ASTN2: variants seen among roughly 807,000 people sequenced by gnomAD.
The protein encoded by ASTN2 is astrotactin 2, also known as astrotactin-2.
ASTN2 carries 54 observed loss-of-function variants against 139.8 expected under a neutral mutation model. That is an observed-to-expected ratio of 0.39 (90% CI 0.31 to 0.48). The LOEUF (loss-of-function observed/expected upper bound fraction) is 0.48, where lower values mean the gene tolerates loss of function less well. Ranked by LOEUF, ASTN2 falls within the 20% of genes least tolerant of loss-of-function variation. The pLI, the probability that ASTN2 is intolerant of heterozygous loss-of-function variation, is 0.95. For synonymous variants in ASTN2, 756 were observed against 719.5 expected (o/e 1.05, Z -0.81); for missense variants, 1,565 against 1,725.1 (o/e 0.91, Z 1.64).
intron 1 of ASTN2, among the ~76,000 whole-genome samples, chr9:117,409,296 A>C (rs1159497938): frequency 6.6e-6 from 1 of 152,206 alleles, no homozygotes; most frequent in Non-Finnish European, 1.5e-5. Flanking sequence ...CCCTCCAAAA[A>C]AATTACCATC....
chr9:116,602,843 T>C (rs1217166791), intron 19 of ASTN2, among the ~76,000 whole-genome samples: 3 of 151,984 alleles, frequency 2.0e-5, no homozygotes, highest in African/African-American at 4.8e-5. Context: ...GGCAGAAAGA[T>C]TGCTTGAGCC....
At chr9:117,223,109 G>T (rs957588879) in intron 2 of ASTN2, among the ~76,000 whole-genome samples, 2 of 152,096 alleles carry the variant, frequency 1.3e-5, no homozygotes, top group East Asian at 1.9e-4. Flanking sequence ...TTTTTATGCC[G>T]TAGGGTGGCA....
At chr9:116,757,615 T>C (rs1327244546) in intron 13 of ASTN2, among the ~76,000 whole-genome samples, 1 of 152,134 alleles carries the variant, frequency 6.6e-6, no homozygotes, top group African/African-American at 2.4e-5. Context: ...CCTCAAAAAA[T>C]GGCCAACCCC....
intron 2 of ASTN2, among the ~76,000 whole-genome samples, chr9:117,278,113 G>T (rs1355358490): frequency 6.6e-6 from 1 of 152,202 alleles, no homozygotes; most frequent in Non-Finnish European, 1.5e-5. Context: ...GCTCCTCCAA[G>T]TGACAGATGA....
intron 7 of ASTN2, among the ~76,000 whole-genome samples, chr9:117,001,765 T>G (rs530335373): frequency 6.6e-6 from 1 of 152,324 alleles, no homozygotes; most frequent in Non-Finnish European, 1.5e-5. Context: ...CATTTCTCCC[T>G]GTTCTTCAGG....
At chr9:116,723,089 C>T (rs1030034713) in intron 16 of ASTN2, among the ~76,000 whole-genome samples, 1 of 151,956 alleles carries the variant, frequency 6.6e-6, no homozygotes, top group South Asian at 2.1e-4. Flanking sequence ...GGCGTGAACC[C>T]GGAAAGCAGA....
At chr9:116,545,147 G>C (rs773037219) in intron 19 of ASTN2, among the ~76,000 whole-genome samples, 27 of 152,198 alleles carry the variant, frequency 1.8e-4, no homozygotes, top group Non-Finnish European at 3.2e-4. Flanking sequence ...TGCCAATGCA[G>C]AGCCAGGGAT....
At chr9:117,192,644 C>A (rs1831379246) in intron 3 of ASTN2, among the ~76,000 whole-genome samples, 1 of 152,142 alleles carries the variant, frequency 6.6e-6, no homozygotes, top group African/African-American at 2.4e-5. Context: ...AAGAGTAGTT[C>A]ATGATCTTTC....
chr9:117,106,569 A>C (rs1829109298), intron 4 of ASTN2, among the ~76,000 whole-genome samples: 1 of 152,200 alleles, frequency 6.6e-6, no homozygotes, highest in Non-Finnish European at 1.5e-5. Flanking sequence ...TTTGAATTAT[A>C]AAGTCAGTAC....
chr9:116,664,183 A>T (rs1858727610), intron 16 of ASTN2, among the ~76,000 whole-genome samples: 1 of 152,116 alleles, frequency 6.6e-6, no homozygotes, highest in Non-Finnish European at 1.5e-5. Flanking sequence ...ATGTGATTGG[A>T]GTAATCACAA....
intron 5 of ASTN2, among the ~76,000 whole-genome samples, chr9:117,052,123 A>T (rs968628698): frequency 2.0e-5 from 3 of 152,164 alleles, no homozygotes; most frequent in African/African-American, 7.2e-5. Context: ...TGGGAATAAC[A>T]TCTACTCCAC....
At position 117,027,686 on chromosome 9, in the gene ASTN2, ACT is replaced by A. The variant is rs1210910740; in HGVS notation, c.1423+12131_1423+12132del. Among the ~76,000 whole-genome samples the A allele has an allele frequency of 2.6e-5, 4 of 152,062 alleles. No homozygotes were observed. The South Asian group carries it at 6.2e-4, about 24-fold the overall frequency. On this transcript the variant is annotated intron_variant, in intron 6 of 22. Transcript: ENST00000313400. ...TACCCAGATCTGCCCAGTGGAAAAG[ACT>A]CCAAGCTTCCCTGACAACCTGGCTG... is the stretch of plus-strand genomic sequence containing the variant.
intron 7 of ASTN2, among the ~76,000 whole-genome samples, chr9:117,005,350 G>T (rs1837326212): frequency 6.6e-6 from 1 of 151,788 alleles, no homozygotes; most frequent in Non-Finnish European, 1.5e-5. Flanking sequence ...GCCTCCCAAA[G>T]TGCTGGGATT....
At chr9:117,072,534 T>G (rs75718633) in intron 5 of ASTN2, among the ~76,000 whole-genome samples, 7 of 152,170 alleles carry the variant, frequency 4.6e-5, no homozygotes, top group South Asian at 2.1e-4. Flanking sequence ...GAAGAATGAA[T>G]CAAGGATAGA....
intron 19 of ASTN2, among the ~76,000 whole-genome samples, chr9:116,561,720 A>G (rs1262227239): frequency 6.6e-6 from 1 of 152,200 alleles, no homozygotes; most frequent in East Asian, 1.9e-4. Flanking sequence ...AGCTGCATCT[A>G]TTACATACCA....
At chr9:116,931,215 T>C (rs1481616993) in intron 10 of ASTN2, among the ~76,000 whole-genome samples, 1 of 152,222 alleles carries the variant, frequency 6.6e-6, no homozygotes, top group Non-Finnish European at 1.5e-5. Context: ...CCTTTATCGC[T>C]AAGCCTCATC....
chr9:116,726,551 G>A (rs997410373), intron 15 of ASTN2, among the ~76,000 whole-genome samples: 1 of 152,188 alleles, frequency 6.6e-6, no homozygotes, highest in Non-Finnish European at 1.5e-5. Context: ...CATTTGCCCA[G>A]AGTCAGCATG....
rs755963783 is a variant in ASTN2, at chr9:116,728,999, G to T, written c.2619C>A (p.Leu873=). The T allele has an allele frequency of 6.3e-7, 1 of 1,583,260 alleles. No individual in the cohort carries two copies. Among genetic ancestry groups the T allele is most frequent in the East Asian group, 2.3e-5 (1 of 43,594 alleles). The change falls in exon 15 of 23, where the codon CTC becomes CTA. Residue 873 remains leucine, a synonymous_variant. Coordinates refer to ENST00000313400, the MANE Select transcript of ASTN2 (RefSeq NM_001365068.1). ...CCAGGCAGTGGTCCTCACCTGCTGCGAGGGTGATGGTGCTGAGCTTCACAC... is the reference window on the plus strand; with the variant it reads ...CCAGGCAGTGGTCCTCACCTGCTGCTAGGGTGATGGTGCTGAGCTTCACAC... The part of the protein sequence containing the change: ...LYRVKLSTIT[L]AAGFTNVLKI...
At chr9:117,052,448 A>AG (rs960981781) in intron 5 of ASTN2, among the ~76,000 whole-genome samples, 21 of 151,832 alleles carry the variant, frequency 1.4e-4, no homozygotes, top group Admixed American at 3.9e-4. Flanking sequence ...AAAAAAAAAA[A>AG]AAAGAAAGAA....
Sources: allele counts gnomAD v4.1 joint callset (sites outside exome capture counted in the v4.1 genomes callset), GRCh38; gene constraint gnomAD v4.1.1; transcripts MANE v1.5; gene names NCBI Gene and HGNC (gene_info 2026-07-23, HGNC 2026-07-21).